Variants in PRDM12 observed in about 807,000 individuals in gnomAD.
The protein encoded by PRDM12 is PR domain zinc finger protein 12.
PRDM12 carries 17 observed loss-of-function variants against 29.6 expected under a neutral mutation model. That is an observed-to-expected ratio of 0.57 (90% CI 0.39 to 0.86). PRDM12 has a LOEUF of 0.86. Ranked by LOEUF, PRDM12 falls within the 40% of genes least tolerant of loss-of-function variation. The probability of loss-of-function intolerance (pLI) is 0.00; values close to 1 mark genes in which losing one functional copy is unlikely to be tolerated. For missense variants in PRDM12, 422 were observed against 510.8 expected (o/e 0.83, Z 1.68); for synonymous variants, 231 against 225.8 (o/e 1.02, Z -0.21).
chr9:130,678,691 C>A, intron 4 of PRDM12, 51 bp downstream of exon 4: 2 of 1,433,374 alleles, frequency 1.4e-6, no homozygotes, highest in Non-Finnish European at 1.9e-6. Flanking sequence ...GAGAGGGGAG[C>A]CCAGGGAGGG....
intron 1 of PRDM12, 141 bp from the exon 2 acceptor site, chr9:130,666,467 C>A: frequency 1.8e-6 from 2 of 1,083,248 alleles, no homozygotes; most frequent in Non-Finnish European, 2.5e-6. Context: ...TCCTCCACAC[C>A]CGGGTGGCTT....
intron 3 of PRDM12, among the ~76,000 whole-genome samples, chr9:130,677,191 CT>C (rs1830850567): frequency 6.6e-6 from 1 of 152,228 alleles, no homozygotes; most frequent in Non-Finnish European, 1.5e-5. Context: ...TCCCAAAGTG[CT>C]AGGATTACAG....
chr9:130,665,890 G>A (rs1830728861), intron 1 of PRDM12, among the ~76,000 whole-genome samples: 1 of 152,206 alleles, frequency 6.6e-6, no homozygotes, highest in Non-Finnish European at 1.5e-5. Flanking sequence ...TGCCCGACAG[G>A]GGAACCCTCG....
At chr9:130,672,032 G>A (rs559966012) in intron 3 of PRDM12, among the ~76,000 whole-genome samples, 279 of 152,310 alleles carry the variant, frequency 1.8e-3, no homozygotes, top group African/African-American at 6.4e-3. Context: ...CCGCAGCAGG[G>A]CGTGCATCTG....
At position 130,664,627 on chromosome 9, in the gene PRDM12, C is replaced by T; in HGVS notation, c.-27C>T. Reference sequence around the variant, plus strand: ...CCTCCCCCGTCGGCCCGGCCGTCCCCCGGCGCCGGGGAGCTCCGGGCCGCC... The same window carrying T: ...CCTCCCCCGTCGGCCCGGCCGTCCCTCGGCGCCGGGGAGCTCCGGGCCGCC... On this transcript the variant is annotated 5_prime_UTR_variant, in exon 1 of 5. Coordinates refer to ENST00000253008, the MANE Select transcript of PRDM12 (RefSeq NM_021619.3). The surrounding 1 kb of genome is among the most constrained non-coding windows in gnomAD (Gnocchi z 6.4). 1.3e-6 allele frequency: 2 copies of T among 1,510,308 alleles called. No homozygotes were observed. The highest frequency in any genetic ancestry group is 1.8e-6 in the Non-Finnish European group (2 of 1,134,052). The allele number at this position is 1,510,308 out of a possible 1,614,324, so 93.6% of individuals were successfully genotyped here.
Position 130,668,409 on chromosome 9 carries a change from C to G in PRDM12, c.570+96C>G, listed in dbSNP as rs1310461993. The G allele has an allele frequency of 6.4e-7, 1 of 1,561,366 alleles. No homozygotes were observed. Among genetic ancestry groups the G allele is most frequent in the Non-Finnish European group, 8.7e-7 (1 of 1,145,904 alleles). ...AGCGGTGTCCAGGAACCACAGTGGA[C>G]AGAGGGGAGCTGACACTGGCCTCGC... On this transcript the variant is annotated intron_variant, in intron 3 of 4. Coordinates refer to ENST00000253008, the MANE Select transcript of PRDM12 (RefSeq NM_021619.3). This position sits in a 1 kb window ranked among gnomAD's most constrained non-coding sequence, Gnocchi z 4.0.
At chr9:130,671,807 G>A (rs1268429294) in intron 3 of PRDM12, among the ~76,000 whole-genome samples, 2 of 152,192 alleles carry the variant, frequency 1.3e-5, no homozygotes, top group Non-Finnish European at 2.9e-5. Context: ...AAGGACCTCT[G>A]CTGTGATGTT....
At chr9:130,672,083 T>G (rs1399285256) in intron 3 of PRDM12, among the ~76,000 whole-genome samples, 1 of 152,230 alleles carries the variant, frequency 6.6e-6, no homozygotes, top group African/African-American at 2.4e-5. Context: ...CCTCCTGGCT[T>G]ACTCCAGTCA....
rs569767744 is a variant in PRDM12, at chr9:130,678,858, C to T, written c.682+218C>T. On this transcript the variant is annotated intron_variant, in intron 4 of 4. Transcript: ENST00000253008. Reference sequence around the variant, plus strand: ...GCATGGGTGGGAGATGGTCCTCCTGCTTCCTGGCCAGAATAGACTGTCTGG... The same window carrying T: ...GCATGGGTGGGAGATGGTCCTCCTGTTTCCTGGCCAGAATAGACTGTCTGG... 1.1e-4 allele frequency among the ~76,000 whole-genome samples: 16 copies of T among 152,208 alleles called. No individual in the cohort carries two copies. The East Asian group carries it at 1.4e-3, about 13-fold the overall frequency.
At position 130,668,076 on chromosome 9, in the gene PRDM12, GA is replaced by G; in HGVS notation, c.415-81del. Reference sequence around the variant, plus strand: ...TTCCTGGGGCTGTTGTGAGGATGGAGAGTGTGTGTGTGGATGTGCCTGGAAG... The same window carrying G: ...TTCCTGGGGCTGTTGTGAGGATGGAGGTGTGTGTGTGGATGTGCCTGGAAG... On this transcript the variant is annotated intron_variant, in intron 2 of 4. Transcript: ENST00000253008. The surrounding 1 kb of genome is among the most constrained non-coding windows in gnomAD (Gnocchi z 4.0). The G allele has an allele frequency of 6.7e-7, 1 of 1,503,386 alleles. No individual in the cohort carries two copies. Among genetic ancestry groups the G allele is most frequent in the African/African-American group, 1.4e-5 (1 of 72,904 alleles). The allele number at this position is 1,503,386 out of a possible 1,614,324, so 93.1% of individuals were successfully genotyped here. A position where few individuals can be genotyped will look rare whatever the true frequency, so the allele number is the denominator to read the frequency against.
chr9:130,665,841 C>G (rs1399868434), intron 1 of PRDM12, among the ~76,000 whole-genome samples: 2 of 152,166 alleles, frequency 1.3e-5, no homozygotes, highest in Non-Finnish European at 2.9e-5. Flanking sequence ...ACATGGAGGC[C>G]GCCCTTGTGC....
At chr9:130,666,858 G>C (rs1830738571) in intron 2 of PRDM12, 60 bp downstream of exon 2, 2 of 1,521,866 alleles carry the variant, frequency 1.3e-6, no homozygotes, top group Admixed American at 4.1e-5. Flanking sequence ...GTCGCGGGTA[G>C]GACTCGGGCG....
In PRDM12 at chr9:130,668,110, A is replaced by G; in HGVS notation, c.415-48A>G. 1 of 1,603,224 alleles carries G rather than the reference A, an allele frequency of 6.2e-7. No homozygotes were observed. Among genetic ancestry groups the G allele is most frequent in the Non-Finnish European group, 8.5e-7 (1 of 1,171,478 alleles). On this transcript the variant is annotated intron_variant, in intron 2 of 4. Transcript: ENST00000253008. The surrounding 1 kb of genome is among the most constrained non-coding windows in gnomAD (Gnocchi z 4.0). ...TGTGGATGTGCCTGGAAGATGGTAC[A>G]CATGGCATAGCCCTGCCTTACCTGG... is the stretch of plus-strand genomic sequence containing the variant.
In PRDM12 at chr9:130,668,579, A is replaced by G. The variant is rs1417297256; in HGVS notation, c.570+266A>G. Among the ~76,000 whole-genome samples the G allele has an allele frequency of 6.6e-6, 1 of 152,190 alleles. No individual in the cohort carries two copies. The highest frequency in any genetic ancestry group is 2.4e-5 in the African/African-American group (1 of 41,448). On this transcript the variant is annotated intron_variant, in intron 3 of 4. Coordinates refer to ENST00000253008, the MANE Select transcript of PRDM12 (RefSeq NM_021619.3). The surrounding 1 kb of genome is among the most constrained non-coding windows in gnomAD (Gnocchi z 4.0). ...ACTTGACGGCATTGGGAATGTCACGAGCATCTCCATAGTGAGGTCCCCAGA... is the reference window on the plus strand; with the variant it reads ...ACTTGACGGCATTGGGAATGTCACGGGCATCTCCATAGTGAGGTCCCCAGA...
rs2132588911 is a variant in PRDM12, at chr9:130,666,618, G to T, written c.234G>T (p.Lys78Asn). Residue 78 changes from lysine to asparagine, a missense_variant, in exon 2 of 5, where the codon AAG (lysine) becomes AAT (asparagine). Physicochemically the swap from Lys to Asn is moderately conservative, Grantham distance 94. This residue lies in a region of PRDM12 where 300 missense variants were observed against 350.0 expected (regional missense o/e 0.86). Coordinates refer to ENST00000253008, the MANE Select transcript of PRDM12 (RefSeq NM_021619.3). ...LAQSFSGEVQ[K>N]LSSLVLPAEV... ...GCCCCGCCGCCGCAGAAGTGCAGAAGCTGTCCAGCCTGGTGCTGCCTGCGG... is the reference window on the plus strand; with the variant it reads ...GCCCCGCCGCCGCAGAAGTGCAGAATCTGTCCAGCCTGGTGCTGCCTGCGG... The T allele has an allele frequency of 6.2e-7, 1 of 1,608,700 alleles. No homozygotes were observed. Among genetic ancestry groups the T allele is most frequent in the East Asian group, 2.3e-5 (1 of 44,336 alleles).
chr9:130,679,037 C>G, intron 4 of PRDM12, among the ~76,000 whole-genome samples: 1 of 152,190 alleles, frequency 6.6e-6, no homozygotes, highest in Admixed American at 6.5e-5. Context: ...AGGTCCTAGG[C>G]AAGATAATCT....
chr9:130,668,776 A>C lies in PRDM12; in HGVS notation c.570+463A>C, dbSNP rs1041221290. ...CATGGGCACCAGTGGCTTACGGCTC[A>C]TGACTCCAGACTCAGCGATGGCTCC... On this transcript the variant is annotated intron_variant, in intron 3 of 4. Coordinates refer to ENST00000253008, the MANE Select transcript of PRDM12 (RefSeq NM_021619.3). This position sits in a 1 kb window ranked among gnomAD's most constrained non-coding sequence, Gnocchi z 4.0. Among the ~76,000 whole-genome samples, 25 of 152,130 alleles carry C rather than the reference A, an allele frequency of 1.6e-4. No individual in the cohort carries two copies. Among genetic ancestry groups the C allele is most frequent in the Non-Finnish European group, 2.9e-4 (20 of 68,020 alleles).
chr9:130,669,143 T>C lies in PRDM12; in HGVS notation c.570+830T>C, dbSNP rs574566010. ...GAGATCGAGACCATCCTGGCTAACA[T>C]GGTGAAACCCCGTCTCTACTAAAAA... On this transcript the variant is annotated intron_variant, in intron 3 of 4. Transcript: ENST00000253008. Among the ~76,000 whole-genome samples the C allele has an allele frequency of 5.3e-5, 8 of 151,796 alleles. No homozygotes were observed. The South Asian group carries it at 8.3e-4, about 16-fold the overall frequency.
At position 130,681,379 on chromosome 9, in the gene PRDM12, G is replaced by C; in HGVS notation, c.814G>C (p.Val272Leu). 1 of 1,593,260 alleles carries C rather than the reference G, an allele frequency of 6.3e-7. No individual in the cohort carries two copies. The highest frequency in any genetic ancestry group is 1.7e-5 in the Admixed American group (1 of 59,116). ...MRIHTLDKPF[V>L]CRFCNRRFSQ... is the part of the protein sequence containing the mutation. Reference sequence around the variant, plus strand: ...CATCCACACGCTGGACAAGCCCTTCGTGTGCCGCTTCTGCAACCGCCGCTT... The same window carrying C: ...CATCCACACGCTGGACAAGCCCTTCCTGTGCCGCTTCTGCAACCGCCGCTT... Residue 272 changes from valine to leucine, a missense_variant, in exon 5 of 5, where the codon GTG becomes CTG. This residue lies in a region of PRDM12 where 28 missense variants were observed against 18.3 expected (regional missense o/e 1.53). Transcript: ENST00000253008. The surrounding 1 kb of genome is among the most constrained non-coding windows in gnomAD (Gnocchi z 8.1).
Sources: gnomAD v4.1 joint callset for allele counts (sites outside exome capture counted in the v4.1 genomes callset) on GRCh38, gnomAD v4.1.1 for gene constraint, gnomAD v4.1.1 regional missense constraint, Gnocchi (gnomAD v3.1) non-coding constraint, MANE v1.5 for transcripts, NCBI Gene and HGNC (gene_info 2026-07-23, HGNC 2026-07-21) for gene names.